Variants in MAGI2 observed in about 807,000 individuals in gnomAD.
MAGI2 encodes the protein membrane associated guanylate kinase, WW and PDZ domain containing 2.
A neutral mutation model predicts 133.3 loss-of-function variants in MAGI2; 35 were observed. The observed-to-expected ratio is 0.26, with a 90% CI of 0.20 to 0.35. The LOEUF is 0.35. Among genes scored for constraint, MAGI2 ranks in the 10% least tolerant of loss-of-function variants. The pLI, the probability that MAGI2 is intolerant of heterozygous loss-of-function variation, is 1.00. For synonymous variants in MAGI2, 729 were observed against 710.6 expected, an observed-to-expected ratio of 1.03 and a Z score of -0.41; for missense variants, 1,636 against 1,863.4, an observed-to-expected ratio of 0.88 and a Z score of 2.25.
chr7:78,083,412 GAGAGAGAGAGAGAGAGAGAC>G (rs1224182665), intron 20 of MAGI2, among the ~76,000 whole-genome samples: 7 of 146,218 alleles, frequency 4.8e-5, no homozygotes, highest in African/African-American at 1.8e-4. Flanking sequence ...GAGAGAGAGA[GAGAGAGAGAGAGAGAGAGAC>G]AGAGAGAGAG....
intron 3 of MAGI2, among the ~76,000 whole-genome samples, chr7:78,553,327 A>G (rs1332039519): frequency 6.6e-6 from 1 of 152,138 alleles, no homozygotes; most frequent in Non-Finnish European, 1.5e-5. Context: ...ACGCTGCCCA[A>G]ATTTTTCTCA....
chr7:78,218,185 A>G (rs1213630006), intron 10 of MAGI2, among the ~76,000 whole-genome samples: 2 of 152,202 alleles, frequency 1.3e-5, no homozygotes, highest in Non-Finnish European at 2.9e-5. Flanking sequence ...GCTGCCAGCA[A>G]TGTGCCTTGG....
chr7:78,399,804 CAAAAAA>C (rs3061269), intron 6 of MAGI2, among the ~76,000 whole-genome samples: 5,373 of 69,690 alleles, frequency 0.077, 131 homozygotes, highest in Middle Eastern at 0.13. Context: ...GACTTTGTAT[CAAAAAA>C]AAAAAAAAAA....
chr7:78,079,199 T>C, intron 20 of MAGI2, 114 bp from the exon 21 acceptor site: 1 of 996,998 alleles, frequency 1.0e-6, no homozygotes, highest in Non-Finnish European at 1.5e-6. Context: ...AACAATTTGG[T>C]GGCAGCCTGC....
intron 2 of MAGI2, among the ~76,000 whole-genome samples, chr7:78,826,097 AAT>A (rs1422676436): frequency 6.6e-6 from 1 of 152,086 alleles, no homozygotes; most frequent in Non-Finnish European, 1.5e-5. Flanking sequence ...TCACACCTGT[AAT>A]CCCAGCACTT....
chr7:78,770,491 TCTG>T (rs1825473968), intron 2 of MAGI2, among the ~76,000 whole-genome samples: 1 of 152,246 alleles, frequency 6.6e-6, no homozygotes, highest in Non-Finnish European at 1.5e-5. Flanking sequence ...TCAGCAGATA[TCTG>T]CTGTTTACAT....
At chr7:79,063,204 C>T (rs890530808) in intron 1 of MAGI2, among the ~76,000 whole-genome samples, 1 of 152,062 alleles carries the variant, frequency 6.6e-6, no homozygotes, top group Non-Finnish European at 1.5e-5. Flanking sequence ...ATCTGCTCTT[C>T]CAACAGTGTG....
At chr7:78,691,894 A>C (rs1180608278) in intron 2 of MAGI2, among the ~76,000 whole-genome samples, 2 of 152,136 alleles carry the variant, frequency 1.3e-5, no homozygotes, top group African/African-American at 4.8e-5. Context: ...CCTAATGTTT[A>C]CTATGGACTT....
At chr7:79,334,206 A>G (rs954353291) in intron 1 of MAGI2, among the ~76,000 whole-genome samples, 1 of 152,180 alleles carries the variant, frequency 6.6e-6, no homozygotes, top group Admixed American at 6.5e-5. Flanking sequence ...TTCCTTATCC[A>G]TAATACAGAA....
At chr7:79,121,378 C>CAGAA (rs541237282) in intron 1 of MAGI2, among the ~76,000 whole-genome samples, 118 of 152,166 alleles carry the variant, frequency 7.8e-4, no homozygotes, top group Non-Finnish European at 1.5e-3. Context: ...TGCTTTCCAG[C>CAGAA]AGGAGGTGAA....
At chr7:79,015,107 T>C (rs951839381) in intron 1 of MAGI2, among the ~76,000 whole-genome samples, 2 of 152,266 alleles carry the variant, frequency 1.3e-5, no homozygotes, top group African/African-American at 4.8e-5. Context: ...GCAAGGTCTA[T>C]CCCCAAGTCA....
rs945351163 is a variant in MAGI2, at chr7:79,179,126, C to A, written c.302-171920G>T. 5.3e-5 allele frequency among the ~76,000 whole-genome samples: 8 copies of A among 151,990 alleles called. No homozygotes were observed. The East Asian group carries it at 1.4e-3, about 26-fold the overall frequency. On this transcript the variant is annotated intron_variant, in intron 1 of 21. Transcript: ENST00000354212. ...AGTAACATTTCAGTAAAAAATGCAC[C>A]ACATATATATATTACAGTGTTAATA...
At chr7:79,142,460 C>G (rs529562849) in intron 1 of MAGI2, among the ~76,000 whole-genome samples, 1 of 152,252 alleles carries the variant, frequency 6.6e-6, no homozygotes, top group African/African-American at 2.4e-5. Flanking sequence ...AACCTACAAC[C>G]TTATGGCTGC....
intron 1 of MAGI2, among the ~76,000 whole-genome samples, chr7:79,111,926 G>A (rs999545232): frequency 6.6e-5 from 10 of 151,880 alleles, no homozygotes; most frequent in East Asian, 1.9e-4. Context: ...CTCGGCCTCC[G>A]AAAGTGCTGG....
intron 10 of MAGI2, among the ~76,000 whole-genome samples, chr7:78,246,487 G>A (rs984112621): frequency 1.3e-5 from 2 of 152,042 alleles, no homozygotes; most frequent in Admixed American, 6.6e-5. Flanking sequence ...ACCCTGGCCC[G>A]CACGCAAAAC....
At chr7:79,004,820 C>T (rs773158689) in intron 2 of MAGI2, among the ~76,000 whole-genome samples, 8 of 151,982 alleles carry the variant, frequency 5.3e-5, no homozygotes, top group East Asian at 1.9e-4. Context: ...TGGTGGCTCA[C>T]GCCTGTAATC....
chr7:78,407,862 T>C (rs10247173), intron 6 of MAGI2, among the ~76,000 whole-genome samples: 4 of 16,882 alleles, frequency 2.4e-4, no homozygotes, highest in South Asian at 1.3e-3. Context: ...GGTTTTCCTC[T>C]AGGATGCCAG....
intron 1 of MAGI2, among the ~76,000 whole-genome samples, chr7:79,223,709 T>A (rs982362859): frequency 1.3e-5 from 2 of 151,986 alleles, no homozygotes; most frequent in Non-Finnish European, 2.9e-5. Flanking sequence ...AAGCAATTTA[T>A]CATAGATTAT....
At chr7:78,083,089 T>C (rs1393370982) in intron 20 of MAGI2, among the ~76,000 whole-genome samples, 1 of 151,990 alleles carries the variant, frequency 6.6e-6, no homozygotes. Flanking sequence ...CAGTGGCCAG[T>C]GTGTGACAAA....
Sources: gnomAD v4.1 joint callset for allele counts (sites outside exome capture counted in the v4.1 genomes callset) on GRCh38, gnomAD v4.1.1 for gene constraint, MANE v1.5 for transcripts, NCBI Gene and HGNC (gene_info 2026-07-23, HGNC 2026-07-21) for gene names.